Variants in TMEM164 observed in about 807,000 individuals in gnomAD.
TMEM164 encodes the protein transmembrane protein 164, also known as RP13-360B22.2.
A neutral mutation model predicts 18.8 loss-of-function variants in TMEM164; 4 were observed. That is an observed-to-expected ratio of 0.21 (90% confidence interval 0.10 to 0.49). The LOEUF (loss-of-function observed/expected upper bound fraction) is 0.49. TMEM164 is among the 20% of genes least tolerant of loss of function. The pLI is 0.98. For synonymous variants in TMEM164, 86 were observed against 101.7 expected, an observed-to-expected ratio of 0.85 and a Z score of 0.93; for missense variants, 108 against 239.9, an observed-to-expected ratio of 0.45 and a Z score of 3.63.
At chrX:110,152,797 TG>T (rs1038260245) in intron 5 of TMEM164, among the ~76,000 whole-genome samples, 1 of 111,587 alleles carries the variant, frequency 9.0e-6, no homozygotes, top group African/African-American at 3.3e-5. Context: ...TAATTGGCTC[TG>T]TGTGATCTCT....
At chrX:110,170,884 T>C (rs2067221100) in intron 5 of TMEM164, among the ~76,000 whole-genome samples, 1 of 111,880 alleles carries the variant, frequency 8.9e-6, no homozygotes, top group South Asian at 3.7e-4. Flanking sequence ...TAAACTGAGA[T>C]ACAAGGATTT....
intron 3 of TMEM164, among the ~76,000 whole-genome samples, chrX:110,092,445 G>A (rs182861229): frequency 8.1e-4 from 90 of 111,328 alleles, no homozygotes; most frequent in Admixed American, 2.2e-3. Context: ...AGGTGGATTC[G>A]TAGGTATTTT....
intron 5 of TMEM164, among the ~76,000 whole-genome samples, chrX:110,155,144 C>T (rs1437056078): frequency 2.7e-5 from 3 of 111,578 alleles, no homozygotes; most frequent in Non-Finnish European, 5.6e-5. Flanking sequence ...CTTGCATGAA[C>T]TGAGAGCATG....
intron 2 of TMEM164, chrX:110,055,364 G>A (rs752369623): frequency 1.3e-5 from 5 of 377,683 alleles, no homozygotes; most frequent in Non-Finnish European, 1.1e-5. Context: ...CTAGGAGAGG[G>A]TGCCATTCAC....
rs57836065 is a variant in TMEM164 at position 110,084,398 on chromosome X, GTA to G, written c.440+17013_440+17014del. 9.4e-3 allele frequency among the ~76,000 whole-genome samples: 89 copies of G among 9,452 alleles called. 1 individual carries two copies. The highest frequency in any genetic ancestry group is 0.028 in the East Asian group (16 of 581). The allele number at this position is 9,452 out of a possible 115,157, so 8.2% of individuals were successfully genotyped here. A position where few individuals can be genotyped will look rare whatever the true frequency, so the allele number is the denominator to read the frequency against. On this transcript the variant is annotated intron_variant, in intron 3 of 6. Coordinates refer to ENST00000372068, the MANE Select transcript of TMEM164 (RefSeq NM_032227.4). Reference sequence around the variant, plus strand: ...ATATAGTGTATATATATATAGTATAGTATATATATATAGTGTATATATATATA... The same window carrying G: ...ATATAGTGTATATATATATAGTATAGTATATATATAGTGTATATATATATA...
At chrX:110,152,019 ATTTC>A (rs1451375483) in intron 5 of TMEM164, among the ~76,000 whole-genome samples, 1 of 100,476 alleles carries the variant, frequency 1.0e-5, no homozygotes, top group Non-Finnish European at 2.0e-5. Context: ...GGATTTTAAA[ATTTC>A]TTTTTCTTCT....
At chrX:110,086,261 A>G (rs1300904335) in intron 3 of TMEM164, among the ~76,000 whole-genome samples, 3 of 112,120 alleles carry the variant, frequency 2.7e-5, no homozygotes, top group Non-Finnish European at 5.6e-5. Flanking sequence ...ATTTTAAAGT[A>G]GAAATCCAGT....
intron 5 of TMEM164, among the ~76,000 whole-genome samples, chrX:110,157,238 T>C (rs964291788): frequency 1.8e-5 from 2 of 111,405 alleles, no homozygotes; most frequent in Non-Finnish European, 3.8e-5. Flanking sequence ...AGATCAGTGA[T>C]AGAAGGAGAG....
At chrX:110,127,368 C>T (rs1441100849) in intron 4 of TMEM164, among the ~76,000 whole-genome samples, 2 of 111,215 alleles carry the variant, frequency 1.8e-5, no homozygotes, top group East Asian at 5.7e-4. Context: ...CAAAAATTAG[C>T]CGAGTATGGT....
chrX:110,051,555 T>G (rs1331465290), intron 2 of TMEM164, among the ~76,000 whole-genome samples: 4 of 105,195 alleles, frequency 3.8e-5, no homozygotes, highest in Non-Finnish European at 7.8e-5. Flanking sequence ...TCATTATTGT[T>G]GCATACAAAA....
intron 4 of TMEM164, among the ~76,000 whole-genome samples, chrX:110,125,667 G>T (rs180683145): frequency 8.0e-5 from 9 of 112,679 alleles, no homozygotes; most frequent in Non-Finnish European, 1.3e-4. Context: ...CTCTGTTTCT[G>T]TGCACGGAGT....
intron 3 of TMEM164, among the ~76,000 whole-genome samples, chrX:110,090,860 C>G (rs1172912385): frequency 9.3e-6 from 1 of 107,247 alleles, no homozygotes; most frequent in Non-Finnish European, 1.9e-5. Flanking sequence ...CCTCCCCCAG[C>G]CCCCCACCCC....
intron 2 of TMEM164, among the ~76,000 whole-genome samples, chrX:110,033,823 T>C (rs1455390062): frequency 8.9e-6 from 1 of 111,756 alleles, no homozygotes; most frequent in Non-Finnish European, 1.9e-5. Context: ...TTTCCCCTTA[T>C]ACTTCCAGAA....
At chrX:110,037,209 A>C (rs1934849443) in intron 2 of TMEM164, among the ~76,000 whole-genome samples, 1 of 111,336 alleles carries the variant, frequency 9.0e-6, no homozygotes, top group South Asian at 3.8e-4. Context: ...AGATGATGCC[A>C]GATTGGTAGG....
chrX:110,095,887 G>T (rs1353388586), intron 3 of TMEM164, among the ~76,000 whole-genome samples: 1 of 112,365 alleles, frequency 8.9e-6, no homozygotes, highest in Admixed American at 9.4e-5. Context: ...CTTTCTGTTT[G>T]TCAGTTTTCC....
intron 3 of TMEM164, among the ~76,000 whole-genome samples, chrX:110,106,961 C>T (rs926314392): frequency 2.7e-5 from 3 of 112,321 alleles, no homozygotes; most frequent in African/African-American, 6.5e-5. Context: ...AGTGACATTG[C>T]GTTGGTGTGC....
intron 2 of TMEM164, among the ~76,000 whole-genome samples, chrX:110,022,062 A>G (rs1191443831): frequency 8.9e-6 from 1 of 111,777 alleles, no homozygotes; most frequent in East Asian, 2.8e-4. Context: ...TTCTTAGATA[A>G]TTGATTACAC....
At chrX:110,103,963 G>T (rs185763283) in intron 3 of TMEM164, among the ~76,000 whole-genome samples, 2 of 111,173 alleles carry the variant, frequency 1.8e-5, no homozygotes, top group Admixed American at 9.6e-5. Flanking sequence ...AGGTTTGGGG[G>T]TTTTTGACAA....
intron 4 of TMEM164, among the ~76,000 whole-genome samples, chrX:110,125,584 T>G (rs769430892): frequency 8.9e-6 from 1 of 112,198 alleles, no homozygotes; most frequent in Non-Finnish European, 1.9e-5. Flanking sequence ...GAGTCCTGGC[T>G]CAGGAGATGA....
Sources: gnomAD v4.1 joint callset for allele counts (sites outside exome capture counted in the v4.1 genomes callset) on GRCh38, gnomAD v4.1.1 for gene constraint, MANE v1.5 for transcripts, NCBI Gene and HGNC (gene_info 2026-07-23, HGNC 2026-07-21) for gene names.